The following CUEDC1 variants were observed in gnomAD, a reference collection of about 807,000 sequenced individuals.
CUEDC1 encodes the protein CUE domain containing 1, also known as CUE domain-containing protein 1.
Under a neutral mutation model 43.7 loss-of-function variants are expected in CUEDC1, and 30 were observed. The observed-to-expected ratio is 0.69, with a 90% confidence interval of 0.51 to 0.93. The LOEUF (loss-of-function observed/expected upper bound fraction) is 0.93. Among genes scored for constraint, CUEDC1 ranks in the 40% least tolerant of loss-of-function variants. The pLI is 0.00. For synonymous variants in CUEDC1, 223 were observed against 223.6 expected (o/e 1.00, Z 0.02); for missense variants, 486 against 549.0 (o/e 0.89, Z 1.15).
chr17:57,927,646 A>G (rs73314294), intron 1 of CUEDC1, among the ~76,000 whole-genome samples: 27,668 of 152,182 alleles, frequency 0.18, 2,603 homozygotes, highest in Admixed American at 0.22. Context: ...AATTTCCAAG[A>G]GGTATGTCAG....
chr17:57,924,420 C>T (rs1598012535), intron 1 of CUEDC1, among the ~76,000 whole-genome samples: 1 of 133,270 alleles, frequency 7.5e-6, no homozygotes, highest in East Asian at 1.9e-4. Context: ...GGCTTCTTTA[C>T]GTTGCTGCTC....
At chr17:57,896,315 A>G (rs2074407456) in intron 1 of CUEDC1, among the ~76,000 whole-genome samples, 1 of 152,232 alleles carries the variant, frequency 6.6e-6, no homozygotes, top group African/African-American at 2.4e-5. Context: ...GTCTACCCGT[A>G]GCAGGCTGAT....
intron 1 of CUEDC1, among the ~76,000 whole-genome samples, chr17:57,949,087 A>AG (rs1263914263): frequency 2.0e-5 from 3 of 152,146 alleles, no homozygotes; most frequent in Non-Finnish European, 2.9e-5. Flanking sequence ...GAGTTCACCA[A>AG]GGGGGAGAAC....
intron 1 of CUEDC1, among the ~76,000 whole-genome samples, chr17:57,951,031 C>G (rs12600414): frequency 0.52 from 78,677 of 150,156 alleles, 23,811 homozygotes; most frequent in East Asian, 0.97. Flanking sequence ...AGCTGTCACC[C>G]ATGACATTTC....
chr17:57,868,311 G>A, intron 7 of CUEDC1, 68 bp from the exon 8 acceptor site: 1 of 1,431,220 alleles, frequency 7.0e-7, no homozygotes, highest in Non-Finnish European at 9.9e-7. Flanking sequence ...CCTCCCAGGT[G>A]TGGGAAAGGC....
At position 57,866,459 on chromosome 17, in the gene CUEDC1, G is replaced by GGCT; in HGVS notation, c.*3+12_*3+14dup. On this transcript the variant is annotated intron_variant, in intron 10 of 10. Transcript: ENST00000577830. ...CCTTGGGCAGTCCCTGGGTTGCTATGGCTCCAGGCCTTACCTCTTACTGTC... is the reference window on the plus strand; with the variant it reads ...CCTTGGGCAGTCCCTGGGTTGCTATGGCTGCTCCAGGCCTTACCTCTTACTGTC... 6.2e-7 allele frequency: 1 copy of GGCT among 1,613,388 alleles called. No homozygotes were observed. The highest frequency in any genetic ancestry group is 8.5e-7 in the Non-Finnish European group (1 of 1,179,398).
At chr17:57,933,204 G>T (rs1471213731) in intron 1 of CUEDC1, among the ~76,000 whole-genome samples, 1 of 82,936 alleles carries the variant, frequency 1.2e-5, no homozygotes, top group Non-Finnish European at 2.3e-5. Flanking sequence ...CGGGCAGCAA[G>T]GGGGGAGAAC....
intron 1 of CUEDC1, among the ~76,000 whole-genome samples, chr17:57,893,804 A>T (rs572429377): frequency 1.8e-4 from 27 of 152,328 alleles, no homozygotes; most frequent in Admixed American, 4.6e-4. Flanking sequence ...TCTGTAAAAC[A>T]CGAGAATTTG....
At position 57,907,034 on chromosome 17, in the gene CUEDC1, C is replaced by T. The variant is rs554186076; in HGVS notation, c.-315-21155G>A. Among the ~76,000 whole-genome samples the T allele has an allele frequency of 3.3e-5, 5 of 150,982 alleles. No homozygotes were observed. In the South Asian group the frequency reaches 1.0e-3, roughly 32 times the overall value. On this transcript the variant is annotated intron_variant, in intron 1 of 10. Coordinates refer to ENST00000577830, the MANE Select transcript of CUEDC1 (RefSeq NM_001271875.2). ...CATCACCAGGCAGAAGGGGGCACTACTCGGGCTATTTAGAGAGAGGGCAGC... is the reference window on the plus strand; with the variant it reads ...CATCACCAGGCAGAAGGGGGCACTATTCGGGCTATTTAGAGAGAGGGCAGC...
chr17:57,952,517 G>A (rs369448713), intron 1 of CUEDC1, among the ~76,000 whole-genome samples: 1 of 151,972 alleles, frequency 6.6e-6, no homozygotes, highest in Non-Finnish European at 1.5e-5. Context: ...ATGAGCCACC[G>A]CATCCGGCCT....
At chr17:57,946,332 G>A (rs1381198455) in intron 1 of CUEDC1, among the ~76,000 whole-genome samples, 1 of 152,142 alleles carries the variant, frequency 6.6e-6, no homozygotes, top group African/African-American at 2.4e-5. Context: ...ATGTAATGAT[G>A]CTCTAGTACT....
intron 1 of CUEDC1, among the ~76,000 whole-genome samples, chr17:57,953,025 C>T (rs2075022806): frequency 6.6e-6 from 1 of 152,132 alleles, no homozygotes; most frequent in African/African-American, 2.4e-5. Flanking sequence ...CACTTGCCTT[C>T]AAGAGTCCAA....
At chr17:57,877,420 A>G (rs1166135741) in intron 3 of CUEDC1, among the ~76,000 whole-genome samples, 20 of 152,052 alleles carry the variant, frequency 1.3e-4, no homozygotes, top group Admixed American at 3.3e-4. Context: ...GCTAGAGCCC[A>G]GGAGTTCAAA....
chr17:57,864,873 C>A (rs2073934001), intron 10 of CUEDC1, among the ~76,000 whole-genome samples: 1 of 152,078 alleles, frequency 6.6e-6, no homozygotes, highest in Non-Finnish European at 1.5e-5. Context: ...GGCCACATGG[C>A]AAAAATCCAT....
chr17:57,908,953 C>T (rs967282824), intron 1 of CUEDC1, among the ~76,000 whole-genome samples: 4 of 151,790 alleles, frequency 2.6e-5, no homozygotes, highest in Admixed American at 6.6e-5. Context: ...GCCAAGATCG[C>T]GCTACTGCAC....
In CUEDC1 at chr17:57,863,202, G is replaced by A. The variant is rs1027050994; in HGVS notation, c.*87C>T. 6.6e-6 allele frequency: 1 copy of A among 152,650 alleles called. No homozygotes were observed. The highest frequency in any genetic ancestry group is 1.5e-5 in the Non-Finnish European group (1 of 68,090). 9.5% of individuals were successfully genotyped at this position (152,650 alleles called of 1,614,324 possible). On this transcript the variant is annotated 3_prime_UTR_variant, in exon 11 of 11. Coordinates refer to ENST00000577830, the MANE Select transcript of CUEDC1 (RefSeq NM_001271875.2). ...AAGCACCATCTGTCTGGCTGCAGCTGGGCCCTTCAGCTGGGGGCCAGTGTT... is the reference window on the plus strand; with the variant it reads ...AAGCACCATCTGTCTGGCTGCAGCTAGGCCCTTCAGCTGGGGGCCAGTGTT...
rs562613760 is a variant in CUEDC1 at position 57,885,720 on chromosome 17, G to A, written c.-156C>T. 1.7e-6 allele frequency: 2 copies of A among 1,209,212 alleles called. No individual in the cohort carries two copies. The highest frequency in any genetic ancestry group is 4.3e-5 in the Admixed American group (1 of 23,426). The allele number at this position is 1,209,212 out of a possible 1,614,324, so 74.9% of individuals were successfully genotyped here. On this transcript the variant is annotated 5_prime_UTR_variant, in exon 2 of 11. Coordinates refer to ENST00000577830, the MANE Select transcript of CUEDC1 (RefSeq NM_001271875.2). ...TAGCCAGGCAGCAATGGGCTGCCAAGAGCTCCGGGTTAGGAGAGTACGGGC... is the reference window on the plus strand; with the variant it reads ...TAGCCAGGCAGCAATGGGCTGCCAAAAGCTCCGGGTTAGGAGAGTACGGGC...
intron 1 of CUEDC1, among the ~76,000 whole-genome samples, chr17:57,927,484 T>TG (rs1459144256): frequency 6.6e-6 from 1 of 151,800 alleles, no homozygotes; most frequent in African/African-American, 2.4e-5. Context: ...CCACACCCTC[T>TG]GGGTTGGGGC....
rs942913611 is a variant in CUEDC1 at position 57,930,867 on chromosome 17, G to A, written c.-316+24358C>T. Among the ~76,000 whole-genome samples, 10 of 152,066 alleles carry A rather than the reference G, an allele frequency of 6.6e-5. No homozygotes were observed. Among genetic ancestry groups the A allele is most frequent in the Non-Finnish European group, 1.0e-4 (7 of 68,010 alleles). ...GGGGAAATGGTCCCCATTTCCTGCAGGTAACCTTCTCATGACCTGCTCTAC... is the reference window on the plus strand; with the variant it reads ...GGGGAAATGGTCCCCATTTCCTGCAAGTAACCTTCTCATGACCTGCTCTAC... On this transcript the variant is annotated intron_variant, in intron 1 of 10. Transcript: ENST00000577830. The surrounding 1 kb of genome is among the most constrained non-coding windows in gnomAD (Gnocchi z 4.2).
Sources: allele counts gnomAD v4.1 joint callset (sites outside exome capture counted in the v4.1 genomes callset), GRCh38; gene constraint gnomAD v4.1.1; non-coding constraint Gnocchi (gnomAD v3.1); transcripts MANE v1.5; gene names NCBI Gene and HGNC (gene_info 2026-07-23, HGNC 2026-07-21).